Variants in ZBTB7C observed in about 807,000 individuals in gnomAD.
The protein encoded by ZBTB7C is zinc finger and BTB domain containing 7C, also known as zinc finger and BTB domain-containing protein 7C.
ZBTB7C carries 8 observed loss-of-function variants against 25.7 expected under a neutral mutation model. The observed-to-expected ratio is 0.31, with a 90% CI of 0.18 to 0.56. ZBTB7C has a LOEUF of 0.56. ZBTB7C is among the 20% of genes least tolerant of loss of function. The pLI, the probability that ZBTB7C is intolerant of heterozygous loss-of-function variation, is 0.91. For synonymous variants in ZBTB7C, 394 were observed against 369.0 expected (o/e 1.07, Z -0.78); for missense variants, 824 against 855.2 (o/e 0.96, Z 0.46).
At chr18:48,289,326 G>C (rs2045151440) in intron 2 of ZBTB7C, among the ~76,000 whole-genome samples, 1 of 152,076 alleles carries the variant, frequency 6.6e-6, no homozygotes, top group Non-Finnish European at 1.5e-5. Flanking sequence ...TCTCAGAGTT[G>C]TAACACAAAA....
At chr18:48,283,623 C>T (rs1308956967) in intron 2 of ZBTB7C, among the ~76,000 whole-genome samples, 1 of 152,166 alleles carries the variant, frequency 6.6e-6, no homozygotes. Flanking sequence ...TGCAATAGTA[C>T]AGGCAACCAA....
intron 2 of ZBTB7C, among the ~76,000 whole-genome samples, chr18:48,255,985 G>A (rs2044010768): frequency 6.6e-6 from 1 of 152,146 alleles, no homozygotes; most frequent in Admixed American, 6.5e-5. Context: ...TTGTAAAAGT[G>A]TACAGAGCAA....
intron 3 of ZBTB7C, among the ~76,000 whole-genome samples, chr18:48,102,564 CA>C (rs58790347): frequency 0.39 from 37,626 of 95,650 alleles, 5,521 homozygotes; most frequent in East Asian, 0.65. Flanking sequence ...GATCCTCCCT[CA>C]AAAAAAAAAA....
chr18:48,129,366 A>C (rs952144062), intron 3 of ZBTB7C, among the ~76,000 whole-genome samples: 144 of 152,056 alleles, frequency 9.5e-4, no homozygotes, highest in African/African-American at 3.4e-3. Flanking sequence ...AAAAAAAAAA[A>C]AAACCACATA....
intron 2 of ZBTB7C, among the ~76,000 whole-genome samples, chr18:48,271,328 C>T (rs1279050123): frequency 1.3e-5 from 2 of 151,852 alleles, no homozygotes; most frequent in Non-Finnish European, 1.5e-5. Flanking sequence ...ACAATAGAGG[C>T]AAAAATCCTA....
chr18:48,327,276 G>A (rs181702314), intron 2 of ZBTB7C, among the ~76,000 whole-genome samples: 118 of 152,212 alleles, frequency 7.8e-4, no homozygotes, highest in Admixed American at 2.3e-3. Context: ...ACCCACCCCC[G>A]AATCACCATC....
intron 2 of ZBTB7C, among the ~76,000 whole-genome samples, chr18:48,226,215 G>A (rs1437805571): frequency 6.6e-6 from 1 of 152,230 alleles, no homozygotes; most frequent in Non-Finnish European, 1.5e-5. Context: ...AGGCCACTAA[G>A]TTTGGGGGCT....
At chr18:48,357,095 T>A (rs934580860) in intron 1 of ZBTB7C, among the ~76,000 whole-genome samples, 2 of 152,214 alleles carry the variant, frequency 1.3e-5, no homozygotes, top group African/African-American at 2.4e-5. Context: ...GCATTCTCCA[T>A]GAGCATATGT....
At chr18:48,146,549 G>A (rs1190917402) in intron 3 of ZBTB7C, among the ~76,000 whole-genome samples, 3 of 152,116 alleles carry the variant, frequency 2.0e-5, no homozygotes, top group Non-Finnish European at 2.9e-5. Context: ...CATAAAATTT[G>A]CTAGCCTGCT....
intron 1 of ZBTB7C, among the ~76,000 whole-genome samples, chr18:48,359,185 G>A (rs2047046141): frequency 6.6e-6 from 1 of 152,160 alleles, no homozygotes; most frequent in Non-Finnish European, 1.5e-5. Context: ...AGAACTAGCT[G>A]GTGGCCATCA....
At chr18:48,179,841 T>C in intron 3 of ZBTB7C, among the ~76,000 whole-genome samples, 1 of 141,774 alleles carries the variant, frequency 7.1e-6, no homozygotes, top group Non-Finnish European at 1.5e-5. Flanking sequence ...TCAAGGAAGA[T>C]ATTTCTCCTT....
rs1455524889 is a variant in ZBTB7C, at chr18:48,107,718, C to T, written c.-16-66595G>A. ...AACACATGGGAACCTCCCTGGACAG[C>T]GTACCCTTCCCCGCTGTGGGGTCAA... On this transcript the variant is annotated intron_variant, in intron 3 of 4. Coordinates refer to ENST00000590800, the MANE Select transcript of ZBTB7C (RefSeq NM_001318841.2). Among the ~76,000 whole-genome samples the T allele has an allele frequency of 2.6e-5, 4 of 152,122 alleles. No individual in the cohort carries two copies. The East Asian group carries it at 5.8e-4, about 22-fold the overall frequency.
intron 2 of ZBTB7C, among the ~76,000 whole-genome samples, chr18:48,261,716 C>T (rs1159591337): frequency 3.3e-5 from 5 of 152,370 alleles, no homozygotes; most frequent in Non-Finnish European, 7.3e-5. Flanking sequence ...CTCACTGTCG[C>T]TGCTTCTTAC....
intron 3 of ZBTB7C, among the ~76,000 whole-genome samples, chr18:48,115,470 C>A (rs2039400871): frequency 1.3e-5 from 2 of 152,028 alleles, no homozygotes; most frequent in Admixed American, 6.6e-5. Context: ...GATCTCCTGA[C>A]CTCGAGATCC....
chr18:48,278,830 G>A lies in ZBTB7C; in HGVS notation c.-79+59344C>T, dbSNP rs942511333. On this transcript the variant is annotated intron_variant, in intron 2 of 4. Coordinates refer to ENST00000590800, the MANE Select transcript of ZBTB7C (RefSeq NM_001318841.2). Reference sequence around the variant, plus strand: ...CGTGGCAATAAACAACCGAAACACCGCCTAACTGCTCTCTGCTGTCAACCA... The same window carrying A: ...CGTGGCAATAAACAACCGAAACACCACCTAACTGCTCTCTGCTGTCAACCA... Among the ~76,000 whole-genome samples, 5 of 152,100 alleles carry A rather than the reference G, an allele frequency of 3.3e-5. 1 individual carries two copies. The South Asian group carries it at 6.2e-4, about 19-fold the overall frequency.
At chr18:48,211,180 A>C (rs752997691) in intron 2 of ZBTB7C, among the ~76,000 whole-genome samples, 2 of 152,202 alleles carry the variant, frequency 1.3e-5, no homozygotes, top group Non-Finnish European at 2.9e-5. Context: ...TCTTCACAAA[A>C]ATAACTCAAA....
intron 2 of ZBTB7C, among the ~76,000 whole-genome samples, chr18:48,325,550 T>C (rs2046198380): frequency 6.6e-6 from 1 of 152,258 alleles, no homozygotes; most frequent in African/African-American, 2.4e-5. Flanking sequence ...GGCATCATTT[T>C]ATTACCACAT....
intron 2 of ZBTB7C, among the ~76,000 whole-genome samples, chr18:48,302,632 TG>T (rs1432663470): frequency 1.3e-5 from 2 of 152,200 alleles, no homozygotes; most frequent in Non-Finnish European, 2.9e-5. Flanking sequence ...CCACGCTCTA[TG>T]TGGTGCACCA....
At chr18:48,270,464 G>T (rs1260087676) in intron 2 of ZBTB7C, among the ~76,000 whole-genome samples, 1 of 150,790 alleles carries the variant, frequency 6.6e-6, no homozygotes, top group African/African-American at 2.4e-5. Context: ...GGGAGGCCCA[G>T]GTGGGCGGAT....
Sources: allele counts gnomAD v4.1 joint callset (sites outside exome capture counted in the v4.1 genomes callset), GRCh38; gene constraint gnomAD v4.1.1; transcripts MANE v1.5; gene names NCBI Gene and HGNC (gene_info 2026-07-23, HGNC 2026-07-21).